The following CA10 variants were observed in gnomAD, a reference collection of about 807,000 sequenced individuals.
CA10 encodes the protein carbonic anhydrase 10 (inactive).
In CA10, 14 loss-of-function variants were observed where a neutral mutation model predicts 44.2. The observed-to-expected ratio is 0.32, with a 90% CI of 0.21 to 0.50. The LOEUF is 0.50. Among genes scored for constraint, CA10 ranks in the 20% least tolerant of loss-of-function variants. The pLI is 0.99. For synonymous variants in CA10, 159 were observed against 141.6 expected (o/e 1.12, Z -0.87); for missense variants, 350 against 409.7 (o/e 0.85, Z 1.26).
At chr17:52,144,429 AC>A (rs1357515647) in intron 1 of CA10, among the ~76,000 whole-genome samples, 1 of 152,192 alleles carries the variant, frequency 6.6e-6, no homozygotes, top group African/African-American at 2.4e-5. Context: ...ATTATATGAG[AC>A]CATATGCCTA....
chr17:51,986,059 A>T (rs757416391), intron 2 of CA10, among the ~76,000 whole-genome samples: 1 of 152,088 alleles, frequency 6.6e-6, no homozygotes, highest in Non-Finnish European at 1.5e-5. Context: ...CACTAAGCAA[A>T]AAAGAACAAA....
chr17:52,130,459 A>T (rs997814427), intron 1 of CA10, among the ~76,000 whole-genome samples: 1 of 152,214 alleles, frequency 6.6e-6, no homozygotes, highest in Non-Finnish European at 1.5e-5. Context: ...CAAATAGAAT[A>T]CTATCCAGCC....
intron 4 of CA10, among the ~76,000 whole-genome samples, chr17:51,700,796 C>G (rs1915572811): frequency 6.6e-6 from 1 of 152,152 alleles, no homozygotes; most frequent in African/African-American, 2.4e-5. Flanking sequence ...AAGCCATTAT[C>G]CTTAGCAAAC....
chr17:51,851,904 T>C (rs995277755), intron 3 of CA10, among the ~76,000 whole-genome samples: 1 of 152,236 alleles, frequency 6.6e-6, no homozygotes, highest in East Asian at 1.9e-4. Context: ...TGCTAAACTT[T>C]CCTTCCCCAC....
chr17:51,649,981 CCAGT>C (rs1198409828), intron 5 of CA10, among the ~76,000 whole-genome samples: 1 of 97,456 alleles, frequency 1.0e-5, no homozygotes, highest in African/African-American at 3.4e-5. Flanking sequence ...ATCCAGCCAG[CCAGT>C]CAGCCAGCCA....
chr17:51,807,669 T>C (rs528814540), intron 3 of CA10, among the ~76,000 whole-genome samples: 19 of 152,300 alleles, frequency 1.2e-4, no homozygotes, highest in African/African-American at 4.6e-4. Context: ...CATGGAATAT[T>C]ACACAGCAGT....
chr17:51,837,286 T>C (rs1908521371), intron 3 of CA10, among the ~76,000 whole-genome samples: 1 of 152,100 alleles, frequency 6.6e-6, no homozygotes, highest in Non-Finnish European at 1.5e-5. Context: ...AATATGAACC[T>C]CCTCTTTTAG....
At chr17:51,707,671 A>ATGTG (rs3031847) in intron 4 of CA10, among the ~76,000 whole-genome samples, 25,542 of 142,900 alleles carry the variant, frequency 0.18, 2,715 homozygotes, top group Non-Finnish European at 0.25. Flanking sequence ...GTGGATGAAT[A>ATGTG]TGTGTGTGTG....
At chr17:51,748,750 C>T (rs535216676) in intron 3 of CA10, among the ~76,000 whole-genome samples, 2 of 152,258 alleles carry the variant, frequency 1.3e-5, no homozygotes, top group South Asian at 2.1e-4. Flanking sequence ...AGCCTTCAGC[C>T]CTAGTGATTC....
At chr17:52,074,944 CATA>C (rs907463968) in intron 1 of CA10, among the ~76,000 whole-genome samples, 20 of 152,156 alleles carry the variant, frequency 1.3e-4, no homozygotes, top group African/African-American at 3.9e-4. Flanking sequence ...TTTCAGTGTC[CATA>C]ATGTTTTATT....
At chr17:51,864,834 T>C (rs1979473775) in intron 3 of CA10, among the ~76,000 whole-genome samples, 1 of 152,180 alleles carries the variant, frequency 6.6e-6, no homozygotes, top group South Asian at 2.1e-4. Context: ...AACTGAGGCG[T>C]GCAGGTGGAG....
intron 2 of CA10, among the ~76,000 whole-genome samples, chr17:51,975,894 G>C (rs958510608): frequency 1.6e-5 from 2 of 121,624 alleles, no homozygotes; most frequent in African/African-American, 6.1e-5. Context: ...AAAAAAAAAA[G>C]CAAGAGTCAA....
At chr17:52,049,250 A>T (rs1986994515) in intron 2 of CA10, among the ~76,000 whole-genome samples, 1 of 152,034 alleles carries the variant, frequency 6.6e-6, no homozygotes, top group South Asian at 2.1e-4. Flanking sequence ...ATGGCAGAGT[A>T]CTCAGAATGT....
chr17:52,002,243 A>C (rs1376691821), intron 2 of CA10, among the ~76,000 whole-genome samples: 1 of 152,014 alleles, frequency 6.6e-6, no homozygotes, highest in Non-Finnish European at 1.5e-5. Context: ...AAAAATAAAA[A>C]ACATGAATCT....
intron 1 of CA10, among the ~76,000 whole-genome samples, chr17:52,097,923 G>A (rs1209837879): frequency 6.6e-6 from 1 of 152,162 alleles, no homozygotes; most frequent in African/African-American, 2.4e-5. Flanking sequence ...CCTGCAATAA[G>A]TATCCACTGT....
chr17:51,801,336 G>A (rs537182860), intron 3 of CA10, among the ~76,000 whole-genome samples: 2 of 152,218 alleles, frequency 1.3e-5, no homozygotes, highest in Non-Finnish European at 2.9e-5. Flanking sequence ...ATCTCCAGTC[G>A]CCCTTGGGGA....
chr17:51,797,366 G>GCA (rs1161827786), intron 3 of CA10, among the ~76,000 whole-genome samples: 1 of 152,118 alleles, frequency 6.6e-6, no homozygotes, highest in Admixed American at 6.5e-5. Context: ...ACGCGTGCAC[G>GCA]CACACACGCA....
chr17:51,867,290 G>T (rs1176039400), intron 3 of CA10, among the ~76,000 whole-genome samples: 1 of 152,150 alleles, frequency 6.6e-6, no homozygotes, highest in Admixed American at 6.5e-5. Flanking sequence ...GATTTTCAAG[G>T]AAATGAGATT....
chr17:51,830,994 C>T (rs998455598), intron 3 of CA10, among the ~76,000 whole-genome samples: 2 of 152,110 alleles, frequency 1.3e-5, no homozygotes, highest in African/African-American at 2.4e-5. Context: ...CTATATCAAT[C>T]GAATATACCC....
Sources: allele counts gnomAD v4.1 joint callset (sites outside exome capture counted in the v4.1 genomes callset), GRCh38; gene constraint gnomAD v4.1.1; transcripts MANE v1.5; gene names NCBI Gene and HGNC (gene_info 2026-07-23, HGNC 2026-07-21).